RB1: variants seen among roughly 807,000 people sequenced by gnomAD.
RB1 encodes the protein retinoblastoma-associated protein.
Under a neutral mutation model 135.4 loss-of-function variants are expected in RB1, and 18 were observed. That is an observed-to-expected ratio of 0.13 (90% CI 0.09 to 0.20). RB1 has a LOEUF of 0.20. RB1 is among the 10% of genes least tolerant of loss of function. The pLI, the probability that RB1 is intolerant of heterozygous loss-of-function variation, is 1.00. For synonymous variants in RB1, 365 were observed against 373.2 expected (o/e 0.98, Z 0.25); for missense variants, 868 against 1,110.0 (o/e 0.78, Z 3.10).
At chr13:48,388,671 T>C (rs901152897) in intron 17 of RB1, among the ~76,000 whole-genome samples, 2 of 152,166 alleles carry the variant, frequency 1.3e-5, no homozygotes, top group African/African-American at 4.8e-5. Flanking sequence ...TATGCTTTGC[T>C]GAGTAACTGA....
At chr13:48,432,581 C>A (rs1216269284) in intron 17 of RB1, among the ~76,000 whole-genome samples, 1 of 152,018 alleles carries the variant, frequency 6.6e-6, no homozygotes, top group Non-Finnish European at 1.5e-5. Flanking sequence ...AGGTTCATGT[C>A]TTTTACTCTT....
In RB1 at chr13:48,303,796, T is replaced by G; in HGVS notation, c.-117T>G. On this transcript the variant is annotated 5_prime_UTR_variant, in exon 1 of 27. Transcript: ENST00000267163. ...CGCGTCCGGTTTTTCTCAGGGGACG[T>G]TGAAATTATTTTTGTAACGGGAGTC... is the stretch of plus-strand genomic sequence containing the variant. 5 of 1,406,260 alleles carry G rather than the reference T, an allele frequency of 3.6e-6. No individual in the cohort carries two copies. The highest frequency in any genetic ancestry group is 2.5e-4 in the Middle Eastern group (1 of 4,036). The allele number at this position is 1,406,260 out of a possible 1,614,324, so 87.1% of individuals were successfully genotyped here. A position where few individuals can be genotyped will look rare whatever the true frequency, so the allele number is the denominator to read the frequency against.
At chr13:48,427,062 T>C (rs1487195321) in intron 17 of RB1, among the ~76,000 whole-genome samples, 2 of 152,236 alleles carry the variant, frequency 1.3e-5, no homozygotes, top group African/African-American at 4.8e-5. Flanking sequence ...AGCTCGGTTA[T>C]CACCAAGGGG....
chr13:48,318,317 G>A, intron 2 of RB1: 1 of 1,318,428 alleles, frequency 7.6e-7, no homozygotes, highest in Non-Finnish European at 1.0e-6. Context: ...TCTGGGCAGT[G>A]CTGAACCTGA....
rs573619264 is a variant in RB1 at position 48,457,118 on chromosome 13, G to A, written c.1960+769G>A. ...AGAATGAGGTACACAGACAAGTGGA[G>A]GGTGAGCAAGATGAAGAGGAGATTT... On this transcript the variant is annotated intron_variant, in intron 19 of 26. Transcript: ENST00000267163. Among the ~76,000 whole-genome samples, 3 of 152,312 alleles carry A rather than the reference G, an allele frequency of 2.0e-5. No homozygotes were observed. In the South Asian group the frequency reaches 6.2e-4, roughly 32 times the overall value.
At chr13:48,320,206 G>T in intron 2 of RB1, 2 of 979,234 alleles carry the variant, frequency 2.0e-6, no homozygotes, top group Non-Finnish European at 3.0e-6. Flanking sequence ...AGGCAATGCG[G>T]GCTGCTCCTT....
intron 18 of RB1, among the ~76,000 whole-genome samples, chr13:48,453,841 A>G (rs997864909): frequency 2.0e-5 from 3 of 152,206 alleles, no homozygotes; most frequent in African/African-American, 7.2e-5. Context: ...GTGAATCGAC[A>G]TTTTACATAA....
intron 5 of RB1, 32 bp downstream of exon 5, chr13:48,347,895 TAA>T: frequency 6.6e-7 from 1 of 1,506,384 alleles, no homozygotes; most frequent in Non-Finnish European, 9.2e-7. Flanking sequence ...ATTTTTCACT[TAA>T]AAAAAAAGAT....
intron 17 of RB1, chr13:48,411,477 A>G: frequency 1.2e-6 from 2 of 1,609,624 alleles, no homozygotes; most frequent in South Asian, 2.2e-5. Flanking sequence ...AACTTCAGAG[A>G]ATCTGAAGTC....
intron 17 of RB1, among the ~76,000 whole-genome samples, chr13:48,437,095 T>C (rs1187154294): frequency 2.0e-5 from 3 of 152,246 alleles, no homozygotes; most frequent in Non-Finnish European, 2.9e-5. Flanking sequence ...AACAGACTTA[T>C]AGCTTCTACT....
At chr13:48,375,454 A>G (rs552606231) in intron 12 of RB1, among the ~76,000 whole-genome samples, 6 of 150,404 alleles carry the variant, frequency 4.0e-5, no homozygotes, top group Non-Finnish European at 7.4e-5. Context: ...CTTGTTTGTT[A>G]TATGTTTCTA....
intron 2 of RB1, chr13:48,317,352 C>T (rs1952194058): frequency 2.6e-6 from 1 of 384,588 alleles, no homozygotes; most frequent in Non-Finnish European, 4.7e-6. Flanking sequence ...CGCCCCGCCT[C>T]CACTCCGCAT....
At chr13:48,325,510 G>A (rs189123209) in intron 2 of RB1, among the ~76,000 whole-genome samples, 2 of 152,184 alleles carry the variant, frequency 1.3e-5, no homozygotes, top group East Asian at 3.9e-4. Context: ...AGATTCAAAC[G>A]AAAGAAAAGT....
Position 48,350,364 on chromosome 13 carries a change from C to A in RB1, c.607+1341C>A, listed in dbSNP as rs182653392. Among the ~76,000 whole-genome samples the A allele has an allele frequency of 2.3e-4, 35 of 152,044 alleles. No individual in the cohort carries two copies. In the East Asian group the frequency reaches 6.6e-3, roughly 28 times the overall value. Reference sequence around the variant, plus strand: ...ATAGAATAAAACTAGAAATTAATAACAAGGTATTTTGGAAACTGTACAGAT... The same window carrying A: ...ATAGAATAAAACTAGAAATTAATAAAAAGGTATTTTGGAAACTGTACAGAT... On this transcript the variant is annotated intron_variant, in intron 6 of 26. Coordinates refer to ENST00000267163, the MANE Select transcript of RB1 (RefSeq NM_000321.3).
At chr13:48,326,308 A>G (rs1374807631) in intron 2 of RB1, among the ~76,000 whole-genome samples, 1 of 152,118 alleles carries the variant, frequency 6.6e-6, no homozygotes, top group Non-Finnish European at 1.5e-5. Flanking sequence ...TGAATAAAAA[A>G]AAATACTGTC....
chr13:48,398,912 A>G (rs1414018688), intron 17 of RB1, among the ~76,000 whole-genome samples: 1 of 152,132 alleles, frequency 6.6e-6, no homozygotes, highest in Admixed American at 6.6e-5. Flanking sequence ...GGGAAAAGTA[A>G]CATTTGTTGA....
intron 2 of RB1, among the ~76,000 whole-genome samples, chr13:48,314,024 A>G (rs939126549): frequency 5.9e-5 from 9 of 152,112 alleles, no homozygotes; most frequent in African/African-American, 2.2e-4. Flanking sequence ...CTGGGATTAC[A>G]GGCGTGAGCC....
chr13:48,319,805 C>T lies in RB1; in HGVS notation c.264+12399C>T. Reference sequence around the variant, plus strand: ...TTCTCATTCAGAAGCTGTTCTATTTCCGCCTTAATGCTCTGCTCGAAGGAG... The same window carrying T: ...TTCTCATTCAGAAGCTGTTCTATTTTCGCCTTAATGCTCTGCTCGAAGGAG... On this transcript the variant is annotated intron_variant, in intron 2 of 26. Transcript: ENST00000267163. The surrounding 1 kb of genome is among the most constrained non-coding windows in gnomAD (Gnocchi z 5.0). 1 of 298,610 alleles carries T rather than the reference C, an allele frequency of 3.3e-6. No individual in the cohort carries two copies. 18.5% of individuals were successfully genotyped at this position (298,610 alleles called of 1,614,324 possible). A position where few individuals can be genotyped will look rare whatever the true frequency, so the allele number is the denominator to read the frequency against.
At chr13:48,341,204 T>G (rs1952439859) in intron 2 of RB1, 1 of 152,114 alleles carries the variant, frequency 6.6e-6, no homozygotes, top group Admixed American at 6.5e-5. Context: ...GTCTGGCTTT[T>G]TCTCAGTGTA....
Sources: allele counts gnomAD v4.1 joint callset (sites outside exome capture counted in the v4.1 genomes callset), GRCh38; gene constraint gnomAD v4.1.1; non-coding constraint Gnocchi (gnomAD v3.1); transcripts MANE v1.5; gene names NCBI Gene and HGNC (gene_info 2026-07-23, HGNC 2026-07-21).